The following CAMK4 variants were observed in gnomAD, a reference collection of about 807,000 sequenced individuals.
The protein encoded by CAMK4 is calcium/calmodulin dependent protein kinase IV, also known as calcium/calmodulin-dependent protein kinase type IV.
In CAMK4, 22 loss-of-function variants were observed where a neutral mutation model predicts 44.9. The observed-to-expected ratio is 0.49, with a 90% CI of 0.35 to 0.70. The LOEUF is 0.70. Among genes scored for constraint, CAMK4 ranks in the 30% least tolerant of loss-of-function variants. CAMK4 has a pLI of 0.01. For synonymous variants in CAMK4, 218 were observed against 215.4 expected, an observed-to-expected ratio of 1.01 and a Z score of -0.11; for missense variants, 498 against 586.8, an observed-to-expected ratio of 0.85 and a Z score of 1.56.
At chr5:111,416,779 G>A (rs1307119314) in intron 5 of CAMK4, among the ~76,000 whole-genome samples, 2 of 151,982 alleles carry the variant, frequency 1.3e-5, no homozygotes, top group African/African-American at 4.8e-5. Flanking sequence ...ATAATTTGAA[G>A]GACTGATAAA....
At chr5:111,228,025 A>C (rs1175302214) in intron 1 of CAMK4, among the ~76,000 whole-genome samples, 1 of 152,216 alleles carries the variant, frequency 6.6e-6, no homozygotes, top group Non-Finnish European at 1.5e-5. Context: ...GTGGTTTGGC[A>C]CATGGAATGA....
chr5:111,430,627 C>CATACAAAA (rs758274656), intron 5 of CAMK4, among the ~76,000 whole-genome samples: 56 of 152,154 alleles, frequency 3.7e-4, no homozygotes, highest in Non-Finnish European at 7.4e-4. Flanking sequence ...ACAAAATCAA[C>CATACAAAA]ATACAAAAAT....
At chr5:111,329,291 G>GT (rs1749048381) in intron 1 of CAMK4, among the ~76,000 whole-genome samples, 1 of 151,918 alleles carries the variant, frequency 6.6e-6, no homozygotes, top group Non-Finnish European at 1.5e-5. Context: ...GGCGAAAACT[G>GT]TAAGCATTCC....
At chr5:111,327,229 A>T (rs1382402096) in intron 1 of CAMK4, among the ~76,000 whole-genome samples, 10 of 149,000 alleles carry the variant, frequency 6.7e-5, no homozygotes, top group Admixed American at 6.2e-4. Flanking sequence ...TCGTTGTTCA[A>T]TTCCCACCTA....
intron 7 of CAMK4, among the ~76,000 whole-genome samples, chr5:111,469,226 A>G (rs1032236651): frequency 7.0e-6 from 1 of 143,760 alleles, no homozygotes; most frequent in Non-Finnish European, 1.5e-5. Context: ...ATTGAAAATA[A>G]TATCTAATTG....
intron 4 of CAMK4, among the ~76,000 whole-genome samples, chr5:111,380,632 G>C (rs761018031): frequency 4.6e-5 from 7 of 152,094 alleles, no homozygotes; most frequent in Non-Finnish European, 1.0e-4. Flanking sequence ...TTCTGTTCTT[G>C]TGTTAGTTTG....
chr5:111,261,754 C>T (rs1580496264), intron 1 of CAMK4, among the ~76,000 whole-genome samples: 2 of 152,154 alleles, frequency 1.3e-5, no homozygotes, highest in Admixed American at 6.5e-5. Context: ...CTTACCCCTT[C>T]AGGTATGGGG....
At chr5:111,273,698 T>C (rs1263425516) in intron 1 of CAMK4, among the ~76,000 whole-genome samples, 2 of 54,694 alleles carry the variant, frequency 3.7e-5, no homozygotes, top group East Asian at 1.3e-3. Flanking sequence ...TATATATATA[T>C]ATATATATAT....
intron 8 of CAMK4, among the ~76,000 whole-genome samples, chr5:111,475,152 C>T (rs560073016): frequency 5.3e-5 from 8 of 151,462 alleles, no homozygotes; most frequent in African/African-American, 1.9e-4. Flanking sequence ...GATAGAACTC[C>T]GACTCAAAAA....
At chr5:111,331,061 AATG>A (rs1749147239) in intron 1 of CAMK4, among the ~76,000 whole-genome samples, 1 of 151,732 alleles carries the variant, frequency 6.6e-6, no homozygotes. Flanking sequence ...GAGGATGAGC[AATG>A]ATTTCTTAGA....
chr5:111,225,827 A>G (rs1488677359), intron 1 of CAMK4, among the ~76,000 whole-genome samples: 8 of 152,236 alleles, frequency 5.3e-5, no homozygotes, highest in Non-Finnish European at 1.2e-4. Context: ...ATGAAAATTC[A>G]GTGATTTGTC....
chr5:111,355,322 G>A (rs1750292060), intron 2 of CAMK4, among the ~76,000 whole-genome samples: 1 of 151,986 alleles, frequency 6.6e-6, no homozygotes, highest in Non-Finnish European at 1.5e-5. Context: ...ATATAAGAGA[G>A]CAAAGGTGAC....
chr5:111,407,257 A>C (rs1363156147), intron 5 of CAMK4, among the ~76,000 whole-genome samples: 1 of 152,030 alleles, frequency 6.6e-6, no homozygotes, highest in Non-Finnish European at 1.5e-5. Flanking sequence ...AGGCTGAGGC[A>C]AGAGAATCGC....
chr5:111,464,984 A>T (rs967490988), intron 7 of CAMK4, among the ~76,000 whole-genome samples: 8 of 152,150 alleles, frequency 5.3e-5, no homozygotes, highest in African/African-American at 1.7e-4. Context: ...AACCAAGGAG[A>T]CAGCCCCTAC....
chr5:111,440,027 A>G (rs1753772230), intron 5 of CAMK4, among the ~76,000 whole-genome samples: 1 of 152,220 alleles, frequency 6.6e-6, no homozygotes, highest in Non-Finnish European at 1.5e-5. Flanking sequence ...GGCTGACTAG[A>G]ATAGGAAATA....
chr5:111,478,466 TC>T lies in CAMK4; in HGVS notation c.792del (p.Trp265GlyfsTer7). On this transcript the variant is annotated frameshift_variant, in exon 9 of 11. Transcript: ENST00000282356. LOFTEE classifies it high-confidence loss of function. ...TCTGAATTGTGAATATTACTTTATC[TC>T]CCCCTGGTGGGATGAAGTATCTCTA... The part of the protein sequence containing the change: ...RILNCEYYFI[S>X]PWWDEVSLNA... 4 of 1,546,466 alleles carry T rather than the reference TC, an allele frequency of 2.6e-6. No homozygotes were observed. The highest frequency in any genetic ancestry group is 2.7e-6 in the Non-Finnish European group (3 of 1,122,074).
At chr5:111,294,755 G>A (rs1158166446) in intron 1 of CAMK4, among the ~76,000 whole-genome samples, 1 of 151,782 alleles carries the variant, frequency 6.6e-6, no homozygotes, top group African/African-American at 2.4e-5. Flanking sequence ...GTCCCTTGGT[G>A]CTTGAGTTCA....
chr5:111,434,485 G>A (rs550492707), intron 5 of CAMK4, among the ~76,000 whole-genome samples: 6 of 152,286 alleles, frequency 3.9e-5, no homozygotes, highest in Admixed American at 3.3e-4. Flanking sequence ...CAGGGGCCCC[G>A]AAGCTTGGCT....
At chr5:111,414,191 C>T (rs1752730020) in intron 5 of CAMK4, among the ~76,000 whole-genome samples, 1 of 152,146 alleles carries the variant, frequency 6.6e-6, no homozygotes, top group Non-Finnish European at 1.5e-5. Flanking sequence ...TCAGAATTGT[C>T]TCCCCTGAAA....
Sources: allele counts gnomAD v4.1 joint callset (sites outside exome capture counted in the v4.1 genomes callset), GRCh38; gene constraint gnomAD v4.1.1; transcripts MANE v1.5; gene names NCBI Gene and HGNC (gene_info 2026-07-23, HGNC 2026-07-21).